Variants in FBXO11 observed in about 807,000 individuals in gnomAD.
FBXO11 encodes the protein F-box only protein 11.
Under a neutral mutation model 117.0 loss-of-function variants are expected in FBXO11, and 13 were observed. The observed-to-expected ratio is 0.11, with a 90% confidence interval of 0.07 to 0.18. The LOEUF is 0.18. Among genes scored for constraint, FBXO11 ranks in the 10% least tolerant of loss-of-function variants. FBXO11 has a pLI of 1.00. For missense variants in FBXO11, 767 were observed against 1,164.4 expected (o/e 0.66, Z 4.97); for synonymous variants, 490 against 380.5 (o/e 1.29, Z -3.35).
At chr2:47,859,836 T>C (rs1674613649) in intron 1 of FBXO11, among the ~76,000 whole-genome samples, 1 of 152,232 alleles carries the variant, frequency 6.6e-6, no homozygotes, top group African/African-American at 2.4e-5. Flanking sequence ...TGAAATAGTC[T>C]ATTTTTTTGT....
At chr2:47,870,116 G>C (rs763541115) in intron 1 of FBXO11, among the ~76,000 whole-genome samples, 1 of 152,140 alleles carries the variant, frequency 6.6e-6, no homozygotes, top group Non-Finnish European at 1.5e-5. Context: ...AACTGCCTTC[G>C]GTGTTCATCT....
At position 47,813,437 on chromosome 2, in the gene FBXO11, T is replaced by TATTTA. The variant is rs1670771021; in HGVS notation, c.2084-61_2084-60insTAAAT. The TATTTA allele has an allele frequency of 7.7e-6, 8 of 1,038,744 alleles. No individual in the cohort carries two copies. The African/African-American group carries it at 1.7e-4, about 23-fold the overall frequency. The allele number at this position is 1,038,744 out of a possible 1,614,324, so 64.3% of individuals were successfully genotyped here. A position where few individuals can be genotyped will look rare whatever the true frequency, so the allele number is the denominator to read the frequency against. On this transcript the variant is annotated intron_variant, in intron 17 of 22. Transcript: ENST00000403359. Reference sequence around the variant, plus strand: ...ATATTTCTTTTTAATTTTTTTTTTTTTTTTTTTTTTTGAGACAGAGTCTCG... The same window carrying TATTTA: ...ATATTTCTTTTTAATTTTTTTTTTTTATTTATTTTTTTTTTTGAGACAGAGTCTCG...
chr2:47,860,814 GAAA>G (rs56054034), intron 1 of FBXO11, among the ~76,000 whole-genome samples: 2 of 138,766 alleles, frequency 1.4e-5, no homozygotes, highest in African/African-American at 5.4e-5. Flanking sequence ...TGGAAAATAG[GAAA>G]AAAAAAAAAT....
intron 1 of FBXO11, among the ~76,000 whole-genome samples, chr2:47,851,592 AG>A (rs1673864197): frequency 6.6e-6 from 1 of 152,158 alleles, no homozygotes; most frequent in Non-Finnish European, 1.5e-5. Context: ...GAACTGTTCT[AG>A]TAGGGGAGTG....
chr2:47,819,750 G>T (rs1021431551), intron 14 of FBXO11, among the ~76,000 whole-genome samples: 4 of 152,028 alleles, frequency 2.6e-5, no homozygotes, highest in African/African-American at 9.7e-5. Context: ...AAATGATATG[G>T]CTTCATGTTC....
At chr2:47,850,832 A>G (rs1328310357) in intron 1 of FBXO11, among the ~76,000 whole-genome samples, 1 of 152,160 alleles carries the variant, frequency 6.6e-6, no homozygotes, top group Non-Finnish European at 1.5e-5. Context: ...TGCTTTTGGG[A>G]AAAGGAGTGT....
chr2:47,817,825 C>T (rs1331280203), intron 16 of FBXO11, among the ~76,000 whole-genome samples: 2 of 152,204 alleles, frequency 1.3e-5, no homozygotes, highest in African/African-American at 2.4e-5. Context: ...TTAATGGTGT[C>T]CCAAAACAAT....
chr2:47,863,676 G>T (rs1484680487), intron 1 of FBXO11, among the ~76,000 whole-genome samples: 1 of 152,206 alleles, frequency 6.6e-6, no homozygotes, highest in African/African-American at 2.4e-5. Context: ...CAAAGGCCGG[G>T]TGCGGTGGCT....
At chr2:47,866,871 G>T (rs970280586) in intron 1 of FBXO11, among the ~76,000 whole-genome samples, 2 of 152,172 alleles carry the variant, frequency 1.3e-5, no homozygotes, top group Non-Finnish European at 2.9e-5. Context: ...GATTCTCCAT[G>T]ATGAGCCTTG....
intron 1 of FBXO11, among the ~76,000 whole-genome samples, chr2:47,844,891 C>T (rs749250988): frequency 6.6e-6 from 1 of 152,188 alleles, no homozygotes; most frequent in African/African-American, 2.4e-5. Context: ...CCTAACTTGG[C>T]CTCCCAAAGT....
intron 7 of FBXO11, among the ~76,000 whole-genome samples, chr2:47,833,691 T>C (rs1030210114): frequency 1.3e-5 from 2 of 152,196 alleles, no homozygotes; most frequent in Non-Finnish European, 2.9e-5. Flanking sequence ...AGCTTTGAAA[T>C]AGTACAAAAG....
At chr2:47,904,577 C>G (rs952557352) in intron 1 of FBXO11, among the ~76,000 whole-genome samples, 1 of 111,284 alleles carries the variant, frequency 9.0e-6, no homozygotes, top group Non-Finnish European at 1.7e-5. Context: ...CGCGCGCGCG[C>G]GCAAACACAC....
In FBXO11 at chr2:47,832,556, C is replaced by T. The variant is rs988664101; in HGVS notation, c.1260+16G>A. ...ATTTTCTAAAAAGAAAAAAACCACA[C>T]AAAATTAAAAAATACCTGTGCATGA... is the stretch of plus-strand genomic sequence containing the variant. On this transcript the variant is annotated intron_variant, in intron 10 of 22. Coordinates refer to ENST00000403359, the MANE Select transcript of FBXO11 (RefSeq NM_001190274.2). 1 of 1,606,580 alleles carries T rather than the reference C, an allele frequency of 6.2e-7. No individual in the cohort carries two copies. Among genetic ancestry groups the T allele is most frequent in the African/African-American group, 1.3e-5 (1 of 74,310 alleles).
intron 4 of FBXO11, among the ~76,000 whole-genome samples, chr2:47,836,207 G>C (rs1337089585): frequency 6.6e-6 from 1 of 151,956 alleles, no homozygotes; most frequent in Non-Finnish European, 1.5e-5. Context: ...CATGATCTTG[G>C]CTCACTGCAA....
intron 1 of FBXO11, among the ~76,000 whole-genome samples, chr2:47,893,795 G>C (rs1397023366): frequency 1.3e-5 from 2 of 152,138 alleles, no homozygotes; most frequent in African/African-American, 2.4e-5. Context: ...AAAAAGGGAA[G>C]ACACAAATGT....
intron 3 of FBXO11, 150 bp downstream of exon 3, chr2:47,839,269 G>C (rs1362365308): frequency 2.7e-6 from 2 of 754,510 alleles, no homozygotes; most frequent in Non-Finnish European, 4.2e-6. Flanking sequence ...AAGTCAGAGG[G>C]AGAGGTCAGG....
At position 47,832,336 on chromosome 2, in the gene FBXO11, TAA is replaced by T; in HGVS notation, c.1398+11_1398+12del. 2.2e-6 allele frequency: 2 copies of T among 917,840 alleles called. No homozygotes were observed. The highest frequency in any genetic ancestry group is 3.1e-6 in the Non-Finnish European group (2 of 653,264). 56.9% of individuals were successfully genotyped at this position (917,840 alleles called of 1,614,324 possible). A position where few individuals can be genotyped will look rare whatever the true frequency, so the allele number is the denominator to read the frequency against. ...CAGAAGTCCGTTTTTCTATTAAAAA[TAA>T]GTGTTCTTACCATGCCATGATCAAA... On this transcript the variant is annotated intron_variant, in intron 11 of 22. Transcript: ENST00000403359.
At chr2:47,808,632 G>GT (rs1670391604) in intron 21 of FBXO11, 2 of 488,714 alleles carry the variant, frequency 4.1e-6, no homozygotes, top group South Asian at 7.8e-5. Context: ...GAAGAGAAAT[G>GT]ATTTGTAAAT....
intron 1 of FBXO11, among the ~76,000 whole-genome samples, chr2:47,872,902 A>G (rs2103841115): frequency 6.6e-6 from 1 of 152,328 alleles, no homozygotes; most frequent in Admixed American, 6.5e-5. Flanking sequence ...GTTGCTTTTA[A>G]AGGGACATTT....
Sources: gnomAD v4.1 joint callset for allele counts (sites outside exome capture counted in the v4.1 genomes callset) on GRCh38, gnomAD v4.1.1 for gene constraint, MANE v1.5 for transcripts, NCBI Gene and HGNC (gene_info 2026-07-23, HGNC 2026-07-21) for gene names.